The following SPAG1 variants were observed in gnomAD, a reference collection of about 807,000 sequenced individuals.
SPAG1 encodes the protein sperm-associated antigen 1.
SPAG1 carries 69 observed loss-of-function variants against 100.5 expected under a neutral mutation model. The ratio of observed to expected loss-of-function variants is 0.69; its 90% CI spans 0.57 to 0.84. The LOEUF (loss-of-function observed/expected upper bound fraction) is 0.84, where lower values mean the gene tolerates loss of function less well. Ranked by LOEUF, SPAG1 falls within the 40% of genes least tolerant of loss-of-function variation. The pLI, the probability that SPAG1 is intolerant of heterozygous loss-of-function variation, is 0.00. For synonymous variants in SPAG1, 336 were observed against 411.6 expected, an observed-to-expected ratio of 0.82 and a Z score of 2.22; for missense variants, 955 against 1,133.1, an observed-to-expected ratio of 0.84 and a Z score of 2.26.
intron 4 of SPAG1, among the ~76,000 whole-genome samples, chr8:100,178,337 T>G (rs1017185350): frequency 6.6e-6 from 1 of 152,122 alleles, no homozygotes; most frequent in Non-Finnish European, 1.5e-5. Context: ...ATAATTTAAT[T>G]ATGGATTTAA....
At position 100,224,410 on chromosome 8, in the gene SPAG1, C is replaced by T. The variant is rs540822988; in HGVS notation, c.1689-763C>T. On this transcript the variant is annotated intron_variant, in intron 13 of 18. Transcript: ENST00000388798. Reference sequence around the variant, plus strand: ...TACTAAAATTAGCTGGGCGTGGTGGCGCGTGCCTGTAATCCCAGCTACTTG... The same window carrying T: ...TACTAAAATTAGCTGGGCGTGGTGGTGCGTGCCTGTAATCCCAGCTACTTG... Among the ~76,000 whole-genome samples the T allele has an allele frequency of 6.6e-5, 10 of 152,166 alleles. No individual in the cohort carries two copies. In the East Asian group the frequency reaches 7.7e-4, roughly 12 times the overall value.
rs373963165 is a variant in SPAG1, at chr8:100,238,342, G to C, written c.2116-898G>C. Among the ~76,000 whole-genome samples the C allele has an allele frequency of 5.3e-5, 8 of 152,278 alleles. No individual in the cohort carries two copies. The East Asian group carries it at 1.2e-3, about 22-fold the overall frequency. ...TGTGTTGCTGTAGGGGAGGGGAAAG[G>C]CATGTGGGATTACAGCTAGGCCCCC... On this transcript the variant is annotated intron_variant, in intron 16 of 18. Transcript: ENST00000388798.
In SPAG1 at chr8:100,162,404, A is replaced by G; in HGVS notation, c.124A>G (p.Ile42Val). 6.3e-7 allele frequency: 1 copy of G among 1,581,910 alleles called. No homozygotes were observed. The highest frequency in any genetic ancestry group is 8.5e-7 in the Non-Finnish European group (1 of 1,169,624). The change falls in exon 2 of 19, where the codon ATT becomes GTT. Residue 42 changes from isoleucine (I) to valine (V), a missense_variant. Coordinates refer to ENST00000388798, the MANE Select transcript of SPAG1 (RefSeq NM_003114.5). ...KCSDVKHLEK[I>V]LCVLRSGEEG... ...TTCAGATGTTAAACATCTGGAAAAA[A>G]TTCTTTGCGTGCTCAGGTAAGCATT...
chr8:100,189,499 A>T lies in SPAG1; in HGVS notation c.833-1891A>T, dbSNP rs550475056. The stretch of plus-strand genomic sequence containing the variant: ...CTCAAAAAAAACCATAATAAATTTT[A>T]AAAAAAATTACTAGACATGGTGGTG... On this transcript the variant is annotated intron_variant, in intron 8 of 18. Transcript: ENST00000388798. Among the ~76,000 whole-genome samples the T allele has an allele frequency of 5.1e-4, 77 of 151,610 alleles. 1 individual carries two copies. Among genetic ancestry groups the T allele is most frequent in the Middle Eastern group, 3.4e-3 (1 of 294 alleles).
chr8:100,183,601 T>C (rs1816461341), intron 5 of SPAG1, among the ~76,000 whole-genome samples, 165 bp downstream of exon 5: 1 of 152,100 alleles, frequency 6.6e-6, no homozygotes, highest in Non-Finnish European at 1.5e-5. Flanking sequence ...TTTTGATGTT[T>C]TTTTCAGTAC....
intron 4 of SPAG1, among the ~76,000 whole-genome samples, chr8:100,182,874 C>T (rs2132255563): frequency 6.6e-6 from 1 of 152,138 alleles, no homozygotes; most frequent in South Asian, 2.1e-4. Flanking sequence ...AAAATTCTTT[C>T]TTTTACATGC....
chr8:100,183,972 G>A lies in SPAG1; in HGVS notation c.505G>A (p.Glu169Lys). ...AEWDKFDVEK[E>K]CLKIDEDYKE... ...TCATTTAAGATTTGACGTGGAGAAG[G>A]AATGTTTAAAAATTGATGAAGATTA... The change falls in exon 6 of 19, where the codon GAA (glutamate) becomes AAA (lysine). Residue 169 changes from glutamate (E) to lysine (K), a missense_variant. Physicochemically the swap from Glu to Lys is moderately conservative, Grantham distance 56. Coordinates refer to ENST00000388798, the MANE Select transcript of SPAG1 (RefSeq NM_003114.5). 6.6e-7 allele frequency: 1 copy of A among 1,526,084 alleles called. No individual in the cohort carries two copies. Among genetic ancestry groups the A allele is most frequent in the Non-Finnish European group, 8.8e-7 (1 of 1,134,892 alleles). 94.5% of individuals were successfully genotyped at this position (1,526,084 alleles called of 1,614,324 possible). A position where few individuals can be genotyped will look rare whatever the true frequency, so the allele number is the denominator to read the frequency against.
chr8:100,173,705 G>T (rs1399507627), intron 3 of SPAG1, among the ~76,000 whole-genome samples: 1 of 152,106 alleles, frequency 6.6e-6, no homozygotes, highest in Admixed American at 6.5e-5. Flanking sequence ...CATAGGCCCT[G>T]CCCTCAAGGA....
intron 10 of SPAG1, among the ~76,000 whole-genome samples, chr8:100,203,004 T>C (rs907765132): frequency 6.6e-6 from 1 of 152,172 alleles, no homozygotes; most frequent in African/African-American, 2.4e-5. Context: ...ATACTGAGTG[T>C]TAACTTGATT....
chr8:100,163,154 A>G (rs1815392790), intron 2 of SPAG1, among the ~76,000 whole-genome samples: 1 of 152,108 alleles, frequency 6.6e-6, no homozygotes. Flanking sequence ...GGACCTTCTC[A>G]GGATAGAGCT....
chr8:100,194,367 G>A lies in SPAG1; in HGVS notation c.1096+99G>A, dbSNP rs1017485376. On this transcript the variant is annotated intron_variant, in intron 10 of 18. Coordinates refer to ENST00000388798, the MANE Select transcript of SPAG1 (RefSeq NM_003114.5). Reference sequence around the variant, plus strand: ...TCGTACAGAAATTCGTAATCTATCAGTTTTTCTAGCTTTGCCTTGTAAATT... The same window carrying A: ...TCGTACAGAAATTCGTAATCTATCAATTTTTCTAGCTTTGCCTTGTAAATT... The A allele has an allele frequency of 8.6e-6, 13 of 1,506,958 alleles. No homozygotes were observed. In the Middle Eastern group the frequency reaches 5.1e-4, roughly 59 times the overall value. The allele number at this position is 1,506,958 out of a possible 1,614,324, so 93.3% of individuals were successfully genotyped here. A position where few individuals can be genotyped will look rare whatever the true frequency, so the allele number is the denominator to read the frequency against.
chr8:100,185,308 T>C (rs1816538631), intron 7 of SPAG1: 1 of 152,284 alleles, frequency 6.6e-6, no homozygotes, highest in African/African-American at 2.4e-5. Flanking sequence ...TTCTGATTTA[T>C]CCTTCAGATC....
intron 10 of SPAG1, among the ~76,000 whole-genome samples, chr8:100,206,017 C>CAAAAAAAAAAAAAAAAAAAAA (rs574907013): frequency 5.2e-5 from 4 of 77,350 alleles, no homozygotes; most frequent in African/African-American, 2.0e-4. Flanking sequence ...GACTCTGTCT[C>CAAAAAAAAAAAAAAAAAAAAA]AAAAAAAAAA....
chr8:100,221,450 C>T (rs1247969400), intron 13 of SPAG1, among the ~76,000 whole-genome samples: 2 of 152,172 alleles, frequency 1.3e-5, no homozygotes, highest in Non-Finnish European at 2.9e-5. Context: ...TGAAAATTAA[C>T]TAGTTGGATA....
intron 13 of SPAG1, 68 bp from the exon 14 acceptor site, chr8:100,225,105 T>TAA (rs1250590516): frequency 1.5e-6 from 2 of 1,326,506 alleles, no homozygotes; most frequent in African/African-American, 2.9e-5. Flanking sequence ...ATTTTATTCT[T>TAA]AATCTGACCT....
chr8:100,188,891 G>C (rs975045439), intron 8 of SPAG1, among the ~76,000 whole-genome samples: 3 of 152,154 alleles, frequency 2.0e-5, no homozygotes, highest in Non-Finnish European at 4.4e-5. Context: ...TGTTGGGCCT[G>C]TGTTTTACGC....
At chr8:100,230,334 C>T (rs940927329) in intron 14 of SPAG1, among the ~76,000 whole-genome samples, 1 of 152,210 alleles carries the variant, frequency 6.6e-6, no homozygotes, top group Non-Finnish European at 1.5e-5. Flanking sequence ...CTGGTTCTGT[C>T]GTATCCAAGC....
intron 14 of SPAG1, among the ~76,000 whole-genome samples, chr8:100,227,841 A>ATTTTTTTTTTTTTTTTTTTTTTTTT (rs34049816): frequency 2.9e-5 from 3 of 103,796 alleles, no homozygotes; most frequent in African/African-American, 4.0e-5. Context: ...ATTGTGTCAG[A>ATTTTTTTTTTTTTTTTTTTTTTTTT]TTTTTTTTTT....
chr8:100,158,107 C>G (rs1815137974), upstream of SPAG1: 1 of 152,410 alleles, frequency 6.6e-6, no homozygotes. Context: ...CGACGCGGGG[C>G]GCTGAGAAGC....
Sources: allele counts gnomAD v4.1 joint callset (sites outside exome capture counted in the v4.1 genomes callset), GRCh38; gene constraint gnomAD v4.1.1; transcripts MANE v1.5; gene names NCBI Gene and HGNC (gene_info 2026-07-23, HGNC 2026-07-21).